PLXNB1: variants seen among roughly 807,000 people sequenced by gnomAD.
PLXNB1 encodes the protein plexin B1.
Under a neutral mutation model 209.4 loss-of-function variants are expected in PLXNB1, and 106 were observed. The ratio of observed to expected loss-of-function variants is 0.51; its 90% CI spans 0.43 to 0.59. PLXNB1 has a LOEUF of 0.59. Ranked by LOEUF, PLXNB1 falls within the 20% of genes least tolerant of loss-of-function variation. PLXNB1 has a pLI of 0.00. For missense variants in PLXNB1, 2,357 were observed against 2,853.2 expected (o/e 0.83, Z 3.96); for synonymous variants, 1,167 against 1,183.2 (o/e 0.99, Z 0.28).
At position 48,413,231 on chromosome 3, in the gene PLXNB1, G is replaced by T; in HGVS notation, c.4536-62C>A. The T allele has an allele frequency of 7.5e-7, 1 of 1,331,314 alleles. No individual in the cohort carries two copies. The highest frequency in any genetic ancestry group is 1.1e-6 in the Non-Finnish European group (1 of 934,478). The allele number at this position is 1,331,314 out of a possible 1,614,324, so 82.5% of individuals were successfully genotyped here. A position where few individuals can be genotyped will look rare whatever the true frequency, so the allele number is the denominator to read the frequency against. On this transcript the variant is annotated intron_variant, in intron 23 of 37. Coordinates refer to ENST00000296440, the MANE Select transcript of PLXNB1 (RefSeq NM_001130082.3). This position sits in a 1 kb window ranked among gnomAD's most constrained non-coding sequence, Gnocchi z 5.4. Reference sequence around the variant, plus strand: ...GAGTCCTACTCGCCCAGGCCTGCCTGACAATCCCCAGGCACACCCCGGCCT... The same window carrying T: ...GAGTCCTACTCGCCCAGGCCTGCCTTACAATCCCCAGGCACACCCCGGCCT...
At chr3:48,407,730 T>A (rs2037398708) in intron 34 of PLXNB1, among the ~76,000 whole-genome samples, 1 of 152,214 alleles carries the variant, frequency 6.6e-6, no homozygotes, top group African/African-American at 2.4e-5. Context: ...TGAGTCAGGA[T>A]TCGCGCCTTC....
Position 48,415,916 on chromosome 3 carries a change from T to C in PLXNB1, c.3617+115A>G. 2 of 1,391,802 alleles carry C rather than the reference T, an allele frequency of 1.4e-6. 1 individual carries two copies. The highest frequency in any genetic ancestry group is 2.7e-5 in the South Asian group (2 of 72,898). The allele number at this position is 1,391,802 out of a possible 1,614,324, so 86.2% of individuals were successfully genotyped here. On this transcript the variant is annotated intron_variant, in intron 18 of 37. Transcript: ENST00000296440. The surrounding 1 kb of genome is among the most constrained non-coding windows in gnomAD (Gnocchi z 5.0). ...AGCTGGCTAGGGAGGGTCTGGCCAC[T>C]CTCTGAAGGAGCAGACTGGCCCTCT... is the stretch of plus-strand genomic sequence containing the variant.
chr3:48,410,938 C>T lies in PLXNB1; in HGVS notation c.5346G>A (p.Glu1782=). Residue 1782 remains glutamate (E), a synonymous_variant, in exon 29 of 38, where the codon GAG becomes GAA. Transcript: ENST00000296440. The surrounding 1 kb of genome is among the most constrained non-coding windows in gnomAD (Gnocchi z 6.4). Reference sequence around the variant, plus strand: ...CTTTATAAAGCTGGTCCAGCATCTTCTCCTTTGCCTGGGAGATGGTGTCAC... The same window carrying T: ...CTTTATAAAGCTGGTCCAGCATCTTTTCCTTTGCCTGGGAGATGGTGTCAC... ...LDCDTISQAK[E]KMLDQLYKGV... is the part of the protein sequence containing the mutation. 6.2e-7 allele frequency: 1 copy of T among 1,613,912 alleles called. No homozygotes were observed. The highest frequency in any genetic ancestry group is 8.5e-7 in the Non-Finnish European group (1 of 1,179,932).
At chr3:48,427,211 A>T (rs1404543892) in intron 1 of PLXNB1, among the ~76,000 whole-genome samples, 1 of 151,872 alleles carries the variant, frequency 6.6e-6, no homozygotes, top group Non-Finnish European at 1.5e-5. Context: ...AAAACACTGG[A>T]TGAGGAGACA....
rs1351579499 is a variant in PLXNB1, at chr3:48,409,524, G to A, written c.5939+47C>T. On this transcript the variant is annotated intron_variant, in intron 33 of 37. Coordinates refer to ENST00000296440, the MANE Select transcript of PLXNB1 (RefSeq NM_001130082.3). The surrounding 1 kb of genome is among the most constrained non-coding windows in gnomAD (Gnocchi z 5.8). ...CGATGAATGTGCTGGGGAGGCAGAAGAGAAGACCCCCCACACACACCTAGA... is the reference window on the plus strand; with the variant it reads ...CGATGAATGTGCTGGGGAGGCAGAAAAGAAGACCCCCCACACACACCTAGA... The A allele has an allele frequency of 6.2e-7, 1 of 1,613,942 alleles. No homozygotes were observed.
chr3:48,404,009 G>C lies in PLXNB1; in HGVS notation c.*477C>G, dbSNP rs1177842473. The C allele has an allele frequency of 1.9e-5, 3 of 157,046 alleles. No homozygotes were observed. The highest frequency in any genetic ancestry group is 7.2e-5 in the African/African-American group (3 of 41,548). 9.7% of individuals were successfully genotyped at this position (157,046 alleles called of 1,614,324 possible). A position where few individuals can be genotyped will look rare whatever the true frequency, so the allele number is the denominator to read the frequency against. On this transcript the variant is annotated 3_prime_UTR_variant, in exon 38 of 38. Coordinates refer to ENST00000296440, the MANE Select transcript of PLXNB1 (RefSeq NM_001130082.3). Reference sequence around the variant, plus strand: ...TGAGGGGTCAGTTTGTAGTGGCCTAGGAGAGGCGTTCAACTCTTAGACCTA... The same window carrying C: ...TGAGGGGTCAGTTTGTAGTGGCCTACGAGAGGCGTTCAACTCTTAGACCTA...
At position 48,415,296 on chromosome 3, in the gene PLXNB1, C is replaced by T. The variant is rs761842270; in HGVS notation, c.3846G>A (p.Thr1282=). ...VRGQNLDVVQ[T]PRIRVTVVSR... Reference sequence around the variant, plus strand: ...AGACCACGGTCACCCGGATTCTTGGCGTCTGTACCACGTCCAGATTCTGGC... The same window carrying T: ...AGACCACGGTCACCCGGATTCTTGGTGTCTGTACCACGTCCAGATTCTGGC... Residue 1282 remains threonine, a synonymous_variant, in exon 20 of 38, where the codon ACG becomes ACA. Transcript: ENST00000296440. The surrounding 1 kb of genome is among the most constrained non-coding windows in gnomAD (Gnocchi z 5.0). 9.9e-6 allele frequency: 16 copies of T among 1,613,464 alleles called. No homozygotes were observed. The South Asian group carries it at 1.3e-4, about 13-fold the overall frequency.
Position 48,415,639 on chromosome 3 carries a change from G to A in PLXNB1, c.3738C>T (p.Phe1246=). The A allele has an allele frequency of 6.3e-7, 1 of 1,581,646 alleles. No homozygotes were observed. The highest frequency in any genetic ancestry group is 8.6e-7 in the Non-Finnish European group (1 of 1,163,626). ...ATERRLQRGQ[F]KYTLDPNITS... ...TGATGTTGGGGTCCAAGGTATACTTGAACTGTCCGCGTTGAAGCCTCCGCT... is the reference window on the plus strand; with the variant it reads ...TGATGTTGGGGTCCAAGGTATACTTAAACTGTCCGCGTTGAAGCCTCCGCT... Residue 1246 remains phenylalanine (F), a synonymous_variant, in exon 19 of 38, where the codon TTC becomes TTT. Coordinates refer to ENST00000296440, the MANE Select transcript of PLXNB1 (RefSeq NM_001130082.3). This position sits in a 1 kb window ranked among gnomAD's most constrained non-coding sequence, Gnocchi z 5.0.
chr3:48,407,127 AG>A (rs761820485), intron 34 of PLXNB1, 36 bp from the exon 35 acceptor site: 10 of 1,571,824 alleles, frequency 6.4e-6, no homozygotes, highest in Non-Finnish European at 8.8e-6. Context: ...AGAGGAAGGA[AG>A]GAAGGATGAG....
In PLXNB1 at chr3:48,419,113, A is replaced by C. The variant is rs2038311523; in HGVS notation, c.2833-74T>G. 6.3e-7 allele frequency: 1 copy of C among 1,592,204 alleles called. No homozygotes were observed. Among genetic ancestry groups the C allele is most frequent in the African/African-American group, 1.3e-5 (1 of 74,692 alleles). On this transcript the variant is annotated intron_variant, in intron 12 of 37. Transcript: ENST00000296440. This position sits in a 1 kb window ranked among gnomAD's most constrained non-coding sequence, Gnocchi z 5.7. Reference sequence around the variant, plus strand: ...GGGAGTCCTGCAGGTCACCCAACAGATCCCCCAGCACAGCTTCTGGGTTGG... The same window carrying C: ...GGGAGTCCTGCAGGTCACCCAACAGCTCCCCCAGCACAGCTTCTGGGTTGG...
rs1260381415 is a variant in PLXNB1 at position 48,412,754 on chromosome 3, G to A, written c.4842C>T (p.Leu1614=). The stretch of plus-strand genomic sequence containing the variant: ...CAGCTGGGGGTACCTTGGTGAGGAA[G>A]AGCTTGCTGTTGAGCAGGTTAGAGA... ...GQLSNLLNSK[L]FLTKFIHTLE... The change falls in exon 25 of 38, where the codon CTC becomes CTT. Residue 1614 remains leucine, a synonymous_variant. Transcript: ENST00000296440. 4 of 1,612,406 alleles carry A rather than the reference G, an allele frequency of 2.5e-6. No homozygotes were observed. Among genetic ancestry groups the A allele is most frequent in the Non-Finnish European group, 3.4e-6 (4 of 1,179,218 alleles).
rs753048355 is a variant in PLXNB1, at chr3:48,409,499, C to T, written c.5940-23G>A. 4 of 1,614,022 alleles carry T rather than the reference C, an allele frequency of 2.5e-6. No homozygotes were observed. Among genetic ancestry groups the T allele is most frequent in the South Asian group, 1.1e-5 (1 of 91,062 alleles). The stretch of plus-strand genomic sequence containing the variant: ...AAGCTGCGGGTGGGGCAGGCATGGC[C>T]GATGAATGTGCTGGGGAGGCAGAAG... On this transcript the variant is annotated intron_variant, in intron 33 of 37. Coordinates refer to ENST00000296440, the MANE Select transcript of PLXNB1 (RefSeq NM_001130082.3). The surrounding 1 kb of genome is among the most constrained non-coding windows in gnomAD (Gnocchi z 5.8).
intron 10 of PLXNB1, 74 bp from the exon 11 acceptor site, chr3:48,420,331 A>C (rs2038424609): frequency 2.4e-6 from 2 of 822,130 alleles, no homozygotes; most frequent in Non-Finnish European, 3.8e-6. Flanking sequence ...AGGCAGGCAC[A>C]GTGTATGTTA....
At position 48,404,419 on chromosome 3, in the gene PLXNB1, TCTC is replaced by T. The variant is rs1332734037; in HGVS notation, c.*64_*66del. 9.8e-6 allele frequency: 10 copies of T among 1,017,964 alleles called. No individual in the cohort carries two copies. Among genetic ancestry groups the T allele is most frequent in the Non-Finnish European group, 1.5e-5 (10 of 667,694 alleles). 63.1% of individuals were successfully genotyped at this position (1,017,964 alleles called of 1,614,324 possible). A position where few individuals can be genotyped will look rare whatever the true frequency, so the allele number is the denominator to read the frequency against. On this transcript the variant is annotated 3_prime_UTR_variant, in exon 38 of 38. Coordinates refer to ENST00000296440, the MANE Select transcript of PLXNB1 (RefSeq NM_001130082.3). ...ACTACAGGCACCTAAGAAGGTGGCC[TCTC>T]CTCCGAGCTTCCAGGGCTGCCCAGG...
intron 37 of PLXNB1, among the ~76,000 whole-genome samples, chr3:48,404,932 G>A (rs1174247488): frequency 6.6e-6 from 1 of 152,194 alleles, no homozygotes; most frequent in Non-Finnish European, 1.5e-5. Flanking sequence ...AAGGGGCAGA[G>A]ACCCAAGAAT....
chr3:48,412,124 G>A (rs113390668), intron 27 of PLXNB1, 114 bp downstream of exon 27: 1 of 1,476,858 alleles, frequency 6.8e-7, no homozygotes, highest in Non-Finnish European at 9.4e-7. Flanking sequence ...GACAGGCTGA[G>A]CAGGAGTCTC....
chr3:48,416,240 C>A lies in PLXNB1; in HGVS notation c.3481-73G>T. ...AGGCAGGGACAGCCTGAGAGACAGG[C>A]TGGCCCAGGACTGGGAGCCCCACCA... On this transcript the variant is annotated intron_variant, in intron 17 of 37. Transcript: ENST00000296440. The surrounding 1 kb of genome is among the most constrained non-coding windows in gnomAD (Gnocchi z 4.1). The A allele has an allele frequency of 6.5e-7, 1 of 1,528,726 alleles. No homozygotes were observed. The highest frequency in any genetic ancestry group is 1.2e-5 in the South Asian group (1 of 85,276). The allele number at this position is 1,528,726 out of a possible 1,614,324, so 94.7% of individuals were successfully genotyped here.
At chr3:48,407,892 G>A (rs1360957603) in intron 34 of PLXNB1, among the ~76,000 whole-genome samples, 1 of 152,228 alleles carries the variant, frequency 6.6e-6, no homozygotes, top group East Asian at 1.9e-4. Context: ...CCTGGAGGTG[G>A]CCCTGCGGGT....
At position 48,421,662 on chromosome 3, in the gene PLXNB1, C is replaced by A. The variant is rs1186197310; in HGVS notation, c.1653+12G>T. 37 of 1,589,868 alleles carry A rather than the reference C, an allele frequency of 2.3e-5. No individual in the cohort carries two copies. Among genetic ancestry groups the A allele is most frequent in the Non-Finnish European group, 3.2e-5 (37 of 1,161,530 alleles). ...CCCTCCCCACCAGGGCCCTGCCTAT[C>A]TGATCATTCACCTCCCTCGTCTCCT... On this transcript the variant is annotated intron_variant, in intron 7 of 37. Transcript: ENST00000296440.
Sources: allele counts gnomAD v4.1 joint callset (sites outside exome capture counted in the v4.1 genomes callset), GRCh38; gene constraint gnomAD v4.1.1; non-coding constraint Gnocchi (gnomAD v3.1); transcripts MANE v1.5; gene names NCBI Gene and HGNC (gene_info 2026-07-23, HGNC 2026-07-21).